The following SCFD2 variants were observed in gnomAD, a reference collection of about 807,000 sequenced individuals.
SCFD2 encodes sec1 family domain-containing protein 2.
A neutral mutation model predicts 58.9 loss-of-function variants in SCFD2; 54 were observed. The ratio of observed to expected loss-of-function variants is 0.92; its 90% CI spans 0.74 to 1.15. The LOEUF is 1.15. Among genes scored for constraint, SCFD2 ranks in the 50% most tolerant of loss-of-function variants. SCFD2 has a pLI of 0.00. For missense variants in SCFD2, 805 were observed against 836.6 expected (o/e 0.96, Z 0.47); for synonymous variants, 321 against 335.9 (o/e 0.96, Z 0.49).
intron 5 of SCFD2, among the ~76,000 whole-genome samples, chr4:53,032,998 A>T (rs1722657968): frequency 1.3e-5 from 2 of 152,222 alleles, no homozygotes; most frequent in Non-Finnish European, 2.9e-5. Context: ...TCTCCACCCC[A>T]AATCAACAGA....
chr4:52,999,102 T>C (rs1243822180), intron 5 of SCFD2, among the ~76,000 whole-genome samples: 2 of 152,206 alleles, frequency 1.3e-5, no homozygotes, highest in Admixed American at 6.5e-5. Context: ...ATTATTACTT[T>C]CAAGAACATA....
intron 3 of SCFD2, among the ~76,000 whole-genome samples, chr4:53,298,687 G>T (rs1225206500): frequency 6.6e-6 from 1 of 152,188 alleles, no homozygotes; most frequent in African/African-American, 2.4e-5. Flanking sequence ...TAACTGGGAG[G>T]CACCCCCCAG....
At chr4:53,321,260 T>C (rs1362270585) in intron 2 of SCFD2, among the ~76,000 whole-genome samples, 2 of 152,172 alleles carry the variant, frequency 1.3e-5, no homozygotes, top group Non-Finnish European at 2.9e-5. Flanking sequence ...GAATGAAATC[T>C]TAGAAGCTGC....
chr4:52,915,542 A>C (rs1438434032), intron 6 of SCFD2, among the ~76,000 whole-genome samples: 2 of 152,184 alleles, frequency 1.3e-5, no homozygotes, highest in East Asian at 3.8e-4. Flanking sequence ...AAAGGAAACA[A>C]TTTATTTGTA....
chr4:52,982,109 G>A (rs1431767846), intron 5 of SCFD2, among the ~76,000 whole-genome samples: 1 of 152,206 alleles, frequency 6.6e-6, no homozygotes, highest in East Asian at 1.9e-4. Context: ...AAAGATATAA[G>A]AACAAGGAAC....
intron 2 of SCFD2, among the ~76,000 whole-genome samples, chr4:53,328,243 C>A (rs1733279974): frequency 6.6e-6 from 1 of 151,932 alleles, no homozygotes; most frequent in Admixed American, 6.6e-5. Flanking sequence ...TTAGCTGTGT[C>A]CACTGTGAGG....
intron 3 of SCFD2, among the ~76,000 whole-genome samples, chr4:53,274,617 T>A (rs1731274255): frequency 6.6e-6 from 1 of 152,200 alleles, no homozygotes; most frequent in Admixed American, 6.5e-5. Flanking sequence ...AATGGTCACC[T>A]ACATTTAGAA....
At chr4:53,038,699 T>G (rs149358369) in intron 5 of SCFD2, among the ~76,000 whole-genome samples, 91 of 152,054 alleles carry the variant, frequency 6.0e-4, no homozygotes, top group African/African-American at 2.1e-3. Context: ...TTTTTGTTTT[T>G]TTTTTTTTTA....
intron 2 of SCFD2, among the ~76,000 whole-genome samples, chr4:53,324,749 G>C (rs1733133265): frequency 6.6e-6 from 1 of 152,114 alleles, no homozygotes; most frequent in Non-Finnish European, 1.5e-5. Context: ...GGGAATATTG[G>C]CTGGGAGCAT....
intron 5 of SCFD2, among the ~76,000 whole-genome samples, chr4:53,092,705 T>C (rs1458896297): frequency 1.3e-5 from 2 of 152,128 alleles, no homozygotes; most frequent in African/African-American, 4.8e-5. Context: ...GGAAAAAAGC[T>C]AACCTCAAAA....
chr4:52,975,549 A>C (rs1336696254), intron 5 of SCFD2, among the ~76,000 whole-genome samples: 3 of 152,222 alleles, frequency 2.0e-5, no homozygotes. Context: ...GTGGAGAAAT[A>C]GGAACACTTT....
At chr4:52,885,893 A>G in intron 7 of SCFD2, 27 bp from the exon 8 acceptor site, 1 of 1,613,138 alleles carries the variant, frequency 6.2e-7, no homozygotes, top group Non-Finnish European at 8.5e-7. Flanking sequence ...CAGCAATATC[A>G]GATGGATGGC....
In SCFD2 at chr4:53,081,298, G is replaced by A. The variant is rs565166050; in HGVS notation, c.1561+64035C>T. On this transcript the variant is annotated intron_variant, in intron 5 of 8. Coordinates refer to ENST00000401642, the MANE Select transcript of SCFD2 (RefSeq NM_152540.4). ...TTTAAATACAAGGCGTATGTGTACA[G>A]GTTTGTTGCATGGGAATATTGCGTG... Among the ~76,000 whole-genome samples, 8 of 152,198 alleles carry A rather than the reference G, an allele frequency of 5.3e-5. No homozygotes were observed. The South Asian group carries it at 1.7e-3, about 32-fold the overall frequency.
chr4:53,059,765 T>C (rs1723451470), intron 5 of SCFD2, among the ~76,000 whole-genome samples: 1 of 152,084 alleles, frequency 6.6e-6, no homozygotes, highest in African/African-American at 2.4e-5. Context: ...ACTTCAATAA[T>C]TCTCAGAACA....
intron 4 of SCFD2, among the ~76,000 whole-genome samples, chr4:53,184,205 G>A (rs545287876): frequency 2.0e-5 from 3 of 152,084 alleles, no homozygotes; most frequent in African/African-American, 7.2e-5. Context: ...CGTTTAGCTT[G>A]GCACATGGTT....
At chr4:53,289,636 T>C (rs990031589) in intron 3 of SCFD2, among the ~76,000 whole-genome samples, 2 of 151,958 alleles carry the variant, frequency 1.3e-5, no homozygotes, top group Non-Finnish European at 2.9e-5. Flanking sequence ...TCAATAACAA[T>C]CTTAAATATA....
intron 5 of SCFD2, among the ~76,000 whole-genome samples, chr4:53,129,758 T>C (rs1725735199): frequency 6.6e-6 from 1 of 152,220 alleles, no homozygotes; most frequent in African/African-American, 2.4e-5. Context: ...TGTCAACAAC[T>C]TCCTTTCCAA....
chr4:53,101,999 T>C (rs1377446102), intron 5 of SCFD2, among the ~76,000 whole-genome samples: 2 of 152,178 alleles, frequency 1.3e-5, no homozygotes, highest in African/African-American at 4.8e-5. Context: ...CCACATCAGA[T>C]ATTAAAACCT....
chr4:53,012,802 C>T (rs1412401720), intron 5 of SCFD2, among the ~76,000 whole-genome samples: 1 of 143,866 alleles, frequency 7.0e-6, no homozygotes, highest in Admixed American at 7.1e-5. Context: ...CCCTCTCCCT[C>T]TCCCCTCCTT....
Sources: allele counts gnomAD v4.1 joint callset (sites outside exome capture counted in the v4.1 genomes callset), GRCh38; gene constraint gnomAD v4.1.1; transcripts MANE v1.5; gene names NCBI Gene and HGNC (gene_info 2026-07-23, HGNC 2026-07-21).